NMNAT2: variants seen among roughly 807,000 people sequenced by gnomAD.
The protein encoded by NMNAT2 is nicotinamide/nicotinic acid mononucleotide adenylyltransferase 2.
A neutral mutation model predicts 41.6 loss-of-function variants in NMNAT2; 11 were observed. The observed-to-expected ratio is 0.26, with a 90% CI of 0.17 to 0.44. The LOEUF (loss-of-function observed/expected upper bound fraction) is 0.44, where lower values mean the gene tolerates loss of function less well. Ranked by LOEUF, NMNAT2 falls within the 20% of genes least tolerant of loss-of-function variation. The pLI is 1.00. For synonymous variants in NMNAT2, 148 were observed against 151.2 expected, an observed-to-expected ratio of 0.98 and a Z score of 0.16; for missense variants, 288 against 407.7, an observed-to-expected ratio of 0.71 and a Z score of 2.53.
intron 1 of NMNAT2, among the ~76,000 whole-genome samples, chr1:183,415,047 C>T (rs1198482985): frequency 6.6e-6 from 1 of 152,172 alleles, no homozygotes; most frequent in African/African-American, 2.4e-5. Flanking sequence ...GCTATCTTGG[C>T]ATACTGCAAC....
intron 1 of NMNAT2, among the ~76,000 whole-genome samples, chr1:183,320,147 G>T (rs895030109): frequency 2.0e-5 from 3 of 152,364 alleles, no homozygotes; most frequent in Non-Finnish European, 4.4e-5. Context: ...AACAAGATGA[G>T]AATCTTCTGG....
At chr1:183,258,593 G>A (rs1042010892) in intron 10 of NMNAT2, among the ~76,000 whole-genome samples, 3 of 152,170 alleles carry the variant, frequency 2.0e-5, no homozygotes, top group African/African-American at 7.2e-5. Flanking sequence ...CTAGGGACTA[G>A]ATTGACTTTG....
At position 183,341,748 on chromosome 1, in the gene NMNAT2, C is replaced by CAAAAAAAAAAA. The variant is rs369432128; in HGVS notation, c.86-47956_86-47955insTTTTTTTTTTT. 7.5e-5 allele frequency among the ~76,000 whole-genome samples: 6 copies of CAAAAAAAAAAA among 79,840 alleles called. No individual in the cohort carries two copies. In the South Asian group the frequency reaches 1.6e-3, roughly 21 times the overall value. 52.4% of individuals were successfully genotyped at this position (79,840 alleles called of 152,430 possible). A position where few individuals can be genotyped will look rare whatever the true frequency, so the allele number is the denominator to read the frequency against. On this transcript the variant is annotated intron_variant, in intron 1 of 10. Coordinates refer to ENST00000287713, the MANE Select transcript of NMNAT2 (RefSeq NM_015039.4). ...ACCAAAAAAAAAAAAAAAAAAAAAA[C>CAAAAAAAAAAA]CTGTTTCCTTCACTCCAGGTTACTT...
intron 1 of NMNAT2, among the ~76,000 whole-genome samples, chr1:183,331,184 G>T (rs981488668): frequency 6.6e-6 from 1 of 152,140 alleles, no homozygotes; most frequent in Non-Finnish European, 1.5e-5. Flanking sequence ...TGAGGGGCAG[G>T]TGGGGGTGGC....
intron 1 of NMNAT2, among the ~76,000 whole-genome samples, chr1:183,389,792 GAA>G (rs1396767823): frequency 3.1e-5 from 2 of 63,988 alleles, no homozygotes; most frequent in African/African-American, 1.0e-4. Context: ...AAGAAAGAAA[GAA>G]AGAAAGAAAG....
At chr1:183,286,905 G>T (rs2102304531) in intron 4 of NMNAT2, 117 bp from the exon 5 acceptor site, 1 of 1,120,204 alleles carries the variant, frequency 8.9e-7, no homozygotes, top group Non-Finnish European at 1.3e-6. Context: ...CTGAGGAAGA[G>T]CCCTGGGGAT....
At chr1:183,340,236 T>G (rs923023277) in intron 1 of NMNAT2, among the ~76,000 whole-genome samples, 26 of 151,644 alleles carry the variant, frequency 1.7e-4, no homozygotes, top group Non-Finnish European at 3.5e-4. Flanking sequence ...AGGGAAGACA[T>G]CCTCAAATAG....
Position 183,278,546 on chromosome 1 carries a change from T to G in NMNAT2, c.651+7A>C. On this transcript the variant is annotated splice_region_variant and intron_variant, in intron 8 of 10. Coordinates refer to ENST00000287713, the MANE Select transcript of NMNAT2 (RefSeq NM_015039.4). ...GCTGGGTGCCAGGCAATAACCTTGC[T>G]ACTCACATCTGCCTCGTTCCAGAGC... is the stretch of plus-strand genomic sequence containing the variant. 2 of 1,604,564 alleles carry G rather than the reference T, an allele frequency of 1.2e-6. No homozygotes were observed. Among genetic ancestry groups the G allele is most frequent in the African/African-American group, 2.7e-5 (2 of 74,850 alleles).
intron 1 of NMNAT2, chr1:183,304,990 G>A (rs1036678149): frequency 1.6e-5 from 11 of 686,512 alleles, no homozygotes; most frequent in African/African-American, 1.1e-4. Flanking sequence ...GAGCCACTCC[G>A]GAAGTGTGGC....
At chr1:183,308,405 A>G (rs1408038981) in intron 1 of NMNAT2, among the ~76,000 whole-genome samples, 1 of 152,242 alleles carries the variant, frequency 6.6e-6, no homozygotes, top group Admixed American at 6.5e-5. Flanking sequence ...GTCAGCATCT[A>G]TCAAAATGAT....
chr1:183,313,410 A>G (rs1413007263), intron 1 of NMNAT2, among the ~76,000 whole-genome samples: 2 of 152,248 alleles, frequency 1.3e-5, no homozygotes. Flanking sequence ...GCAAGGAAAA[A>G]AGAAAATTAA....
intron 7 of NMNAT2, 123 bp from the exon 8 acceptor site, chr1:183,278,752 A>T (rs1307438587): frequency 8.5e-6 from 6 of 703,564 alleles, no homozygotes; most frequent in South Asian, 1.6e-5. Context: ...GGGCCCAGTT[A>T]TCCCAGGTGC....
At chr1:183,296,463 G>C (rs1476068291) in intron 1 of NMNAT2, among the ~76,000 whole-genome samples, 1 of 151,878 alleles carries the variant, frequency 6.6e-6, no homozygotes, top group Non-Finnish European at 1.5e-5. Context: ...ATTCTTACCA[G>C]CATTTGGCAT....
intron 4 of NMNAT2, 49 bp downstream of exon 4, chr1:183,290,079 G>A (rs200465550): frequency 2.4e-4 from 355 of 1,461,602 alleles, no homozygotes; most frequent in Admixed American, 1.9e-3. Context: ...AGCCCCTTCC[G>A]CCCTTGCACT....
chr1:183,406,413 A>G (rs988365603), intron 1 of NMNAT2, among the ~76,000 whole-genome samples: 3 of 152,214 alleles, frequency 2.0e-5, no homozygotes, highest in Non-Finnish European at 4.4e-5. Context: ...ACTAGGTCCA[A>G]CACATGGGAG....
chr1:183,412,113 A>ATGAATT (rs1360647830), intron 1 of NMNAT2, among the ~76,000 whole-genome samples: 1 of 152,248 alleles, frequency 6.6e-6, no homozygotes, highest in African/African-American at 2.4e-5. Flanking sequence ...GGCCATGATG[A>ATGAATT]TGACTTTGAC....
chr1:183,304,634 C>T lies in NMNAT2; in HGVS notation c.86-10841G>A, dbSNP rs751537863. 6 of 1,593,386 alleles carry T rather than the reference C, an allele frequency of 3.8e-6. No homozygotes were observed. The East Asian group carries it at 1.1e-4, about 30-fold the overall frequency. On this transcript the variant is annotated intron_variant, in intron 1 of 10. Transcript: ENST00000287713. ...TCTGCACCTCCCTCCAGCTGCCCCG[C>T]CCTCATGCCATGTGCCTCAGGCTGT...
At chr1:183,297,079 C>G (rs1661721751) in intron 1 of NMNAT2, among the ~76,000 whole-genome samples, 1 of 150,632 alleles carries the variant, frequency 6.6e-6, no homozygotes, top group Non-Finnish European at 1.5e-5. Flanking sequence ...CTTCACTTCC[C>G]AAGCACTTCA....
At chr1:183,270,257 A>C (rs1259031529) in intron 8 of NMNAT2, among the ~76,000 whole-genome samples, 3 of 152,150 alleles carry the variant, frequency 2.0e-5, no homozygotes, top group Non-Finnish European at 4.4e-5. Flanking sequence ...CCAGCTTACC[A>C]TAGCTACTTG....
Sources: allele counts gnomAD v4.1 joint callset (sites outside exome capture counted in the v4.1 genomes callset), GRCh38; gene constraint gnomAD v4.1.1; transcripts MANE v1.5; gene names NCBI Gene and HGNC (gene_info 2026-07-23, HGNC 2026-07-21).